Variants in OSGIN1 observed in about 807,000 individuals in gnomAD.
OSGIN1 encodes the protein oxidative stress-induced growth inhibitor 1.
In OSGIN1, 19 loss-of-function variants were observed where a neutral mutation model predicts 20.1. That is an observed-to-expected ratio of 0.95 (90% CI 0.66 to 1.39). OSGIN1 has a LOEUF of 1.39. Among genes scored for constraint, OSGIN1 ranks in the 40% most tolerant of loss-of-function variants. OSGIN1 has a pLI of 0.00. For missense variants in OSGIN1, 820 were observed against 653.0 expected, an observed-to-expected ratio of 1.26 and a Z score of -2.79; for synonymous variants, 368 against 297.8, an observed-to-expected ratio of 1.24 and a Z score of -2.43.
intron 5 of OSGIN1, among the ~76,000 whole-genome samples, chr16:83,963,416 C>T (rs1567657749): frequency 6.7e-6 from 1 of 149,308 alleles, no homozygotes. Flanking sequence ...TTATTATGTG[C>T]CAGGCCTTGG....
At chr16:83,964,106 C>T (rs1311636606) in intron 5 of OSGIN1, among the ~76,000 whole-genome samples, 1 of 152,142 alleles carries the variant, frequency 6.6e-6, no homozygotes, top group Non-Finnish European at 1.5e-5. Flanking sequence ...GAGTTCGAAA[C>T]CATCCTGGCC....
intron 1 of OSGIN1, among the ~76,000 whole-genome samples, chr16:83,955,261 T>C (rs1441990444): frequency 6.6e-6 from 1 of 152,168 alleles, no homozygotes; most frequent in Non-Finnish European, 1.5e-5. Flanking sequence ...CCAAGGCCTC[T>C]GGGTATACTC....
chr16:83,953,411 A>G (rs1316793060), intron 1 of OSGIN1, 41 bp downstream of exon 1: 3 of 1,285,478 alleles, frequency 2.3e-6, no homozygotes, highest in Non-Finnish European at 3.0e-6. Context: ...GGAATCAGGC[A>G]CATCCCAGGC....
At chr16:83,956,172 T>C (rs1328360994) in intron 1 of OSGIN1, among the ~76,000 whole-genome samples, 6 of 152,170 alleles carry the variant, frequency 3.9e-5, no homozygotes, top group Admixed American at 2.0e-4. Context: ...GGGCGACACA[T>C]AGGTCCTCTC....
Position 83,961,030 on chromosome 16 carries a change from T to A in OSGIN1, c.446T>A (p.Leu149His), listed in dbSNP as rs369025642. The A allele has an allele frequency of 3.4e-5, 55 of 1,613,314 alleles. No individual in the cohort carries two copies. The highest frequency in any genetic ancestry group is 4.3e-5 in the Non-Finnish European group (51 of 1,180,000). Residue 149 changes from leucine to histidine, a missense_variant, in exon 5 of 6, where the codon CTC becomes CAC. Transcript: ENST00000393306. ...VILSQGQWMG[L>H]PDLEVKDWMQ... Reference sequence around the variant, plus strand: ...CTGAGCCAAGGCCAGTGGATGGGGCTCCCGGACCTGGAGGTCAAGGACTGG... The same window carrying A: ...CTGAGCCAAGGCCAGTGGATGGGGCACCCGGACCTGGAGGTCAAGGACTGG...
In OSGIN1 at chr16:83,960,680, G is replaced by A; in HGVS notation, c.316G>A (p.Val106Ile). 6.2e-7 allele frequency: 1 copy of A among 1,613,618 alleles called. No homozygotes were observed. The highest frequency in any genetic ancestry group is 2.2e-5 in the East Asian group (1 of 44,880). The change falls in exon 4 of 6, where the codon GTC (valine) becomes ATC (isoleucine). Residue 106 changes from valine (V) to isoleucine (I), a missense_variant. By Grantham distance (29) the Val-to-Ile change is conservative. Coordinates refer to ENST00000393306, the MANE Select transcript of OSGIN1 (RefSeq NM_182981.3). ...DTDFGGNMKS[V>I]LTWKHRKEHA... is the part of the protein sequence containing the mutation. ...AGACTTTGGGGGAAACATGAAGTCG[G>A]TCCTCACCTGGAAGCACCGGAAGGA...
rs173776 is a variant in OSGIN1, at chr16:83,965,428, A to G, written c.855A>G (p.Ser285=). The change falls in exon 6 of 6, where the codon TCA becomes TCG. Residue 285 remains serine (S), a synonymous_variant. Coordinates refer to ENST00000393306, the MANE Select transcript of OSGIN1 (RefSeq NM_182981.3). The part of the protein sequence containing the change: ...ATRVGAVTPA[S]DPVLIIGAGL... ...GGGTGGGTGCGGTGACCCCGGCCTCAGACCCTGTCCTCATCATTGGCGCGG... is the reference window on the plus strand; with the variant it reads ...GGGTGGGTGCGGTGACCCCGGCCTCGGACCCTGTCCTCATCATTGGCGCGG... 0.2 allele frequency: 310,644 copies of G among 1,583,898 alleles called. 40,776 individuals are homozygous for G. The highest frequency in any genetic ancestry group is 0.67 in the African/African-American group (49,975 of 74,734).
At chr16:83,954,617 T>C in intron 1 of OSGIN1, 1 of 245,130 alleles carries the variant, frequency 4.1e-6, no homozygotes, top group Non-Finnish European at 6.6e-6. Context: ...GCGTCCTGTG[T>C]CACTCTGAAC....
intron 5 of OSGIN1, 37 bp from the exon 6 acceptor site, chr16:83,965,025 A>C: frequency 8.1e-7 from 1 of 1,230,936 alleles, no homozygotes; most frequent in Admixed American, 1.9e-5. Flanking sequence ...AACCCCTAAC[A>C]GTGTCTGACT....
Position 83,960,583 on chromosome 16 carries a change from G to A in OSGIN1, c.219G>A (p.Leu73=). ...VSILDQDLDY[L]SEGLEGRSQS... ...CCCCCCTCCAGGACCTGGACTACCT[G>A]TCCGAAGGCCTCGAAGGCCGATCCC... Residue 73 remains leucine (L), a synonymous_variant, in exon 4 of 6, where the codon CTG becomes CTA. Coordinates refer to ENST00000393306, the MANE Select transcript of OSGIN1 (RefSeq NM_182981.3). 6.2e-7 allele frequency: 1 copy of A among 1,613,256 alleles called. No individual in the cohort carries two copies. Among genetic ancestry groups the A allele is most frequent in the Non-Finnish European group, 8.5e-7 (1 of 1,179,982 alleles).
rs376331320 is a variant in OSGIN1 at position 83,965,011 on chromosome 16, C to T, written c.489-51C>T. On this transcript the variant is annotated intron_variant, in intron 5 of 5. Coordinates refer to ENST00000393306, the MANE Select transcript of OSGIN1 (RefSeq NM_182981.3). ...TGGACATCTCCCGTCCCACCCAGCC[C>T]CCCAACCCCTAACAGTGTCTGACTC... The T allele has an allele frequency of 6.4e-5, 76 of 1,182,094 alleles. 2 individuals are homozygous for T. The highest frequency in any genetic ancestry group is 2.1e-4 in the Middle Eastern group (1 of 4,870). 73.2% of individuals were successfully genotyped at this position (1,182,094 alleles called of 1,614,324 possible).
In OSGIN1 at chr16:83,965,764, C is replaced by T. The variant is rs758099584; in HGVS notation, c.1191C>T (p.Gly397=). 1.2e-6 allele frequency: 2 copies of T among 1,613,290 alleles called. No homozygotes were observed. Among genetic ancestry groups the T allele is most frequent in the East Asian group, 4.5e-5 (2 of 44,870 alleles). ...TCTCCCTGGTGCTGGTCCTCATCGG[C>T]TCCCACCCCGACCTCTCCTTCCTGC... ...FGVSLVLVLI[G]SHPDLSFLPG... The change falls in exon 6 of 6, where the codon GGC becomes GGT. Residue 397 remains glycine (G), a synonymous_variant. Coordinates refer to ENST00000393306, the MANE Select transcript of OSGIN1 (RefSeq NM_182981.3).
chr16:83,962,258 T>C lies in OSGIN1; in HGVS notation c.488+1186T>C, dbSNP rs182796771. On this transcript the variant is annotated intron_variant, in intron 5 of 5. Transcript: ENST00000393306. Reference sequence around the variant, plus strand: ...TGTTTGTTTATTTGTTGTTTGTTTTTAATGAAGTCTCCCTCTGTCGCCCAG... The same window carrying C: ...TGTTTGTTTATTTGTTGTTTGTTTTCAATGAAGTCTCCCTCTGTCGCCCAG... 2.6e-3 allele frequency among the ~76,000 whole-genome samples: 395 copies of C among 152,228 alleles called. 4 individuals carry two copies. The highest frequency in any genetic ancestry group is 8.8e-3 in the African/African-American group (367 of 41,556).
chr16:83,957,581 T>C, intron 1 of OSGIN1, 59 bp from the exon 2 acceptor site: 7 of 866,654 alleles, frequency 8.1e-6, no homozygotes, highest in Non-Finnish European at 1.3e-5. Flanking sequence ...GTGAAGTGGC[T>C]GTGTGGACAC....
intron 5 of OSGIN1, among the ~76,000 whole-genome samples, chr16:83,961,462 G>T (rs1597181267): frequency 6.6e-6 from 1 of 152,156 alleles, no homozygotes; most frequent in Non-Finnish European, 1.5e-5. Context: ...ATCTCAGGGA[G>T]CAGAGGGGTG....
chr16:83,957,313 G>A (rs1029235841), intron 1 of OSGIN1, among the ~76,000 whole-genome samples: 1 of 152,148 alleles, frequency 6.6e-6, no homozygotes, highest in Non-Finnish European at 1.5e-5. Flanking sequence ...CTCTCGGGAA[G>A]ACAGATAATG....
intron 1 of OSGIN1, among the ~76,000 whole-genome samples, chr16:83,955,817 G>A (rs561054560): frequency 6.6e-6 from 1 of 152,266 alleles, no homozygotes; most frequent in East Asian, 1.9e-4. Flanking sequence ...CCTGGTGACT[G>A]CAGCGTGTCA....
Position 83,965,089 on chromosome 16 carries a change from CG to C in OSGIN1, c.520del (p.Asp174ThrfsTer24). ...GTCTTCGCAACAGCCGGGCCACTGC[CG>C]GGGACATCGCCCACTACTACAGGGA... is the stretch of plus-strand genomic sequence containing the variant. ...RGLRNSRATAGDIAHYYRDYV... is the reference protein window; with the variant it reads ...RGLRNSRATAXDIAHYYRDYV... On this transcript the variant is annotated frameshift_variant, in exon 6 of 6. Coordinates refer to ENST00000393306, the MANE Select transcript of OSGIN1 (RefSeq NM_182981.3). LOFTEE classifies it low-confidence loss of function (END_TRUNC). 6.2e-7 allele frequency: 1 copy of C among 1,605,888 alleles called. No individual in the cohort carries two copies. Among genetic ancestry groups the C allele is most frequent in the Non-Finnish European group, 8.5e-7 (1 of 1,174,392 alleles).
Position 83,965,341 on chromosome 16 carries a change from C to A in OSGIN1, c.768C>A (p.Gly256=). The change falls in exon 6 of 6, where the codon GGC becomes GGA. Residue 256 remains glycine, a synonymous_variant. Coordinates refer to ENST00000393306, the MANE Select transcript of OSGIN1 (RefSeq NM_182981.3). ...TGTFDSPARL[G]IPGEALPFIH... ...CGTTCGACAGCCCGGCCCGGCTGGG[C>A]ATCCCCGGGGAGGCCCTGCCCTTCA... is the stretch of plus-strand genomic sequence containing the variant. 6.4e-7 allele frequency: 1 copy of A among 1,572,214 alleles called. No homozygotes were observed. Among genetic ancestry groups the A allele is most frequent in the Non-Finnish European group, 8.6e-7 (1 of 1,160,452 alleles).
Sources: gnomAD v4.1 joint callset for allele counts (sites outside exome capture counted in the v4.1 genomes callset) on GRCh38, gnomAD v4.1.1 for gene constraint, MANE v1.5 for transcripts, NCBI Gene and HGNC (gene_info 2026-07-23, HGNC 2026-07-21) for gene names.